BPHL: variants seen among roughly 807,000 people sequenced by gnomAD.
The protein encoded by BPHL is serine hydrolase BPHL.
A neutral mutation model predicts 31.2 loss-of-function variants in BPHL; 27 were observed. That is an observed-to-expected ratio of 0.87 (90% CI 0.64 to 1.19). The LOEUF (loss-of-function observed/expected upper bound fraction) is 1.19, where lower values mean the gene tolerates loss of function less well. Among genes scored for constraint, BPHL ranks in the 50% most tolerant of loss-of-function variants. The pLI is 0.00. For synonymous variants in BPHL, 150 were observed against 146.8 expected, an observed-to-expected ratio of 1.02 and a Z score of -0.16; for missense variants, 356 against 375.7, an observed-to-expected ratio of 0.95 and a Z score of 0.43.
intron 2 of BPHL, among the ~76,000 whole-genome samples, chr6:3,126,510 T>C (rs572055550): frequency 7.9e-5 from 12 of 151,612 alleles, no homozygotes; most frequent in Admixed American, 4.6e-4. Flanking sequence ...ACCCAGGGCC[T>C]CTGTCTTTCT....
At chr6:3,133,000 C>G (rs977751671) in intron 4 of BPHL, among the ~76,000 whole-genome samples, 1 of 152,176 alleles carries the variant, frequency 6.6e-6, no homozygotes, top group Non-Finnish European at 1.5e-5. Flanking sequence ...TCTCTCTAGG[C>G]CTGTCCCTTC....
chr6:3,130,119 A>G (rs1761833184), intron 4 of BPHL, among the ~76,000 whole-genome samples: 1 of 152,204 alleles, frequency 6.6e-6, no homozygotes, highest in Non-Finnish European at 1.5e-5. Context: ...AGGTCTTTAC[A>G]GGCACTGGAA....
At position 3,137,289 on chromosome 6, in the gene BPHL, T is replaced by C. The variant is rs1381584173; in HGVS notation, c.533-73T>C. On this transcript the variant is annotated intron_variant, in intron 4 of 6. Transcript: ENST00000380379. ...GAGCGCATGGGCTCAGAAGTGGCTC[T>C]TGCTCAGAATACTTAAAGACAATAC... The C allele has an allele frequency of 2.6e-6, 4 of 1,553,170 alleles. No individual in the cohort carries two copies. In the African/African-American group the frequency reaches 4.1e-5, roughly 16 times the overall value.
intron 1 of BPHL, among the ~76,000 whole-genome samples, chr6:3,121,617 G>A (rs1258917727): frequency 1.3e-5 from 2 of 152,100 alleles, no homozygotes; most frequent in Admixed American, 1.3e-4. Flanking sequence ...ACACCTGGCC[G>A]ATCCTAAGCT....
chr6:3,121,291 C>CTTTTTTT (rs67332286), intron 1 of BPHL, among the ~76,000 whole-genome samples: 6 of 80,392 alleles, frequency 7.5e-5, no homozygotes, highest in East Asian at 4.5e-4. Context: ...ATAGCAGTTT[C>CTTTTTTT]TTTTTTTTTT....
At chr6:3,138,456 A>G (rs2113764592) in intron 5 of BPHL, 1 of 154,992 alleles carries the variant, frequency 6.5e-6, no homozygotes, top group Non-Finnish European at 1.4e-5. Flanking sequence ...TTACTGAGAA[A>G]ATAGAGTAGC....
chr6:3,124,363 A>G (rs935450133), intron 2 of BPHL, among the ~76,000 whole-genome samples: 4 of 152,288 alleles, frequency 2.6e-5, no homozygotes, highest in African/African-American at 9.6e-5. Flanking sequence ...AAAAATTTGC[A>G]GTGATTCCAG....
rs1359571577 is a variant in BPHL at position 3,149,582 on chromosome 6, C to G, written c.789-2906C>G. ...AGAGCCTGGCCAGCCAGGGCAGCCCCCAACTTCATCAGCAGCAAGGAGCTT... is the reference window on the plus strand; with the variant it reads ...AGAGCCTGGCCAGCCAGGGCAGCCCGCAACTTCATCAGCAGCAAGGAGCTT... On this transcript the variant is annotated intron_variant, in intron 6 of 6. Transcript: ENST00000380379. The surrounding 1 kb of genome is among the most constrained non-coding windows in gnomAD (Gnocchi z 4.6). 6.6e-6 allele frequency among the ~76,000 whole-genome samples: 1 copy of G among 152,180 alleles called. No individual in the cohort carries two copies. Among genetic ancestry groups the G allele is most frequent in the Admixed American group, 6.5e-5 (1 of 15,284 alleles).
rs1762137135 is a variant in BPHL at position 3,140,326 on chromosome 6, TC to T, written c.665-58del. 3 of 1,590,056 alleles carry T rather than the reference TC, an allele frequency of 1.9e-6. No homozygotes were observed. The Admixed American group carries it at 5.2e-5, about 27-fold the overall frequency. ...GGGGCAGGGCTCGCCGAGTTTCGCC[TC>T]CTCTGACCGCGTAGAATGGTTGCAC... On this transcript the variant is annotated intron_variant, in intron 5 of 6. Coordinates refer to ENST00000380379, the MANE Select transcript of BPHL (RefSeq NM_004332.4). The surrounding 1 kb of genome is among the most constrained non-coding windows in gnomAD (Gnocchi z 5.2).
At chr6:3,151,630 T>A (rs1488810476) in intron 6 of BPHL, among the ~76,000 whole-genome samples, 1 of 152,242 alleles carries the variant, frequency 6.6e-6, no homozygotes. Flanking sequence ...TATTGTCCTT[T>A]TAATGTCTAA....
intron 1 of BPHL, among the ~76,000 whole-genome samples, chr6:3,122,143 G>C (rs927025375): frequency 2.6e-4 from 40 of 152,300 alleles, no homozygotes; most frequent in Non-Finnish European, 3.7e-4. Context: ...AGCCGGGCGT[G>C]GTGGCGGGTG....
chr6:3,126,433 C>T (rs1186104425), intron 2 of BPHL, among the ~76,000 whole-genome samples: 1 of 152,088 alleles, frequency 6.6e-6, no homozygotes, highest in African/African-American at 2.4e-5. Flanking sequence ...TAATTCTTTC[C>T]TTTAGAAAAG....
At chr6:3,123,847 A>G (rs1581461249) in intron 2 of BPHL, 87 bp downstream of exon 2, 1 of 1,064,826 alleles carries the variant, frequency 9.4e-7, no homozygotes, top group East Asian at 2.6e-5. Flanking sequence ...CTGATGATTA[A>G]TTTTAGTGCT....
chr6:3,139,189 A>G (rs1762098795), intron 5 of BPHL: 1 of 152,334 alleles, frequency 6.6e-6, no homozygotes, highest in Admixed American at 6.5e-5. Flanking sequence ...GGTATTATCT[A>G]TTCAGCTTTG....
At chr6:3,124,207 G>GA (rs973371339) in intron 2 of BPHL, 96 of 147,098 alleles carry the variant, frequency 6.5e-4, no homozygotes, top group African/African-American at 1.4e-3. Context: ...TAAGAGGTAA[G>GA]AAAAAAAAAA....
chr6:3,134,405 GTTTTTCTTTCC>G (rs1447307382), intron 4 of BPHL, among the ~76,000 whole-genome samples: 2 of 137,614 alleles, frequency 1.5e-5, no homozygotes, highest in African/African-American at 5.4e-5. Context: ...ACAGTGTTTT[GTTTTTCTTTCC>G]TTTTTCTTTT....
chr6:3,120,325 G>C (rs1001182819), intron 1 of BPHL, among the ~76,000 whole-genome samples: 1 of 152,034 alleles, frequency 6.6e-6, no homozygotes, highest in Non-Finnish European at 1.5e-5. Context: ...GTGAGCCACC[G>C]CTCTCGGCCT....
intron 1 of BPHL, among the ~76,000 whole-genome samples, chr6:3,122,444 G>A (rs1178690444): frequency 1.3e-5 from 2 of 152,244 alleles, no homozygotes; most frequent in Non-Finnish European, 2.9e-5. Flanking sequence ...GCTGTGGGAA[G>A]GCTGATGGAG....
intron 4 of BPHL, among the ~76,000 whole-genome samples, chr6:3,136,893 T>G (rs1762028204): frequency 6.6e-6 from 1 of 152,218 alleles, no homozygotes; most frequent in East Asian, 1.9e-4. Flanking sequence ...AATGAATAAT[T>G]TGTGTGCATT....
Sources: allele counts gnomAD v4.1 joint callset (sites outside exome capture counted in the v4.1 genomes callset), GRCh38; gene constraint gnomAD v4.1.1; non-coding constraint Gnocchi (gnomAD v3.1); transcripts MANE v1.5; gene names NCBI Gene and HGNC (gene_info 2026-07-23, HGNC 2026-07-21).